CCNE2: variants seen among roughly 807,000 people sequenced by gnomAD.
The protein encoded by CCNE2 is cyclin E2, also known as G1/S-specific cyclin-E2.
CCNE2 carries 18 observed loss-of-function variants against 56.8 expected under a neutral mutation model. That is an observed-to-expected ratio of 0.32 (90% CI 0.22 to 0.47). The LOEUF (loss-of-function observed/expected upper bound fraction) is 0.47. Among genes scored for constraint, CCNE2 ranks in the 20% least tolerant of loss-of-function variants. CCNE2 has a pLI of 1.00. For missense variants in CCNE2, 371 were observed against 467.1 expected, an observed-to-expected ratio of 0.79 and a Z score of 1.90; for synonymous variants, 139 against 149.2, an observed-to-expected ratio of 0.93 and a Z score of 0.50.
intron 5 of CCNE2, chr8:94,891,619 C>T (rs1172949531): frequency 4.7e-6 from 2 of 422,172 alleles, no homozygotes; most frequent in Non-Finnish European, 8.7e-6. Flanking sequence ...GATCGTGCCA[C>T]TGCACTCCAG....
At chr8:94,896,677 G>T (rs1322882677), upstream of CCNE2, 1 of 152,074 alleles carries the variant, frequency 6.6e-6, no homozygotes, top group African/African-American at 2.4e-5. Flanking sequence ...GGAGCCTCGC[G>T]GGCGGGAGCC....
At chr8:94,891,519 G>A (rs1817240184) in intron 5 of CCNE2, 1 of 302,424 alleles carries the variant, frequency 3.3e-6, no homozygotes. Flanking sequence ...AATTAGCTGG[G>A]CGTGGTGGCA....
Position 94,888,050 on chromosome 8 carries a change from A to G in CCNE2, c.477T>C (p.His159=). The G allele has an allele frequency of 1.3e-6, 2 of 1,584,164 alleles. No individual in the cohort carries two copies. The highest frequency in any genetic ancestry group is 2.3e-5 in the East Asian group (1 of 44,006). The change falls in exon 7 of 12, where the codon CAT becomes CAC. Residue 159 remains histidine, a synonymous_variant. Coordinates refer to ENST00000308108, the MANE Select transcript of CCNE2 (RefSeq NM_057749.3). ...CTTGTGCAAGATAAAATGTTTCCCT[A>G]TGAAGTGTGTATACTTCACATACCT... The part of the protein sequence containing the change: ...LLEVCEVYTL[H]RETFYLAQDF...
Sources: gnomAD v4.1 joint callset for allele counts on GRCh38, gnomAD v4.1.1 for gene constraint, MANE v1.5 for transcripts, NCBI Gene and HGNC (gene_info 2026-07-23, HGNC 2026-07-21) for gene names.